Variants in PLEKHA5 observed in about 807,000 individuals in gnomAD.
The protein encoded by PLEKHA5 is pleckstrin homology domain-containing family A member 5.
Under a neutral mutation model 181.9 loss-of-function variants are expected in PLEKHA5, and 55 were observed. The ratio of observed to expected loss-of-function variants is 0.30; its 90% CI spans 0.24 to 0.38. PLEKHA5 has a LOEUF of 0.38. Ranked by LOEUF, PLEKHA5 falls within the 10% of genes least tolerant of loss-of-function variation. The probability of loss-of-function intolerance (pLI) is 1.00; values close to 1 mark genes in which losing one functional copy is unlikely to be tolerated. For synonymous variants in PLEKHA5, 535 were observed against 529.4 expected (o/e 1.01, Z -0.15); for missense variants, 1,432 against 1,549.5 (o/e 0.92, Z 1.27).
At chr12:19,242,133 A>G (rs2062741912) in intron 3 of PLEKHA5, among the ~76,000 whole-genome samples, 1 of 152,226 alleles carries the variant, frequency 6.6e-6, no homozygotes, top group African/African-American at 2.4e-5. Context: ...TGTGATAGGT[A>G]CATTTTAACT....
intron 3 of PLEKHA5, among the ~76,000 whole-genome samples, chr12:19,162,587 A>T (rs1475651388): frequency 6.9e-6 from 1 of 144,580 alleles, no homozygotes; most frequent in Non-Finnish European, 1.5e-5. Context: ...AAAAAAAAAA[A>T]GAGTTGGGGG....
intron 3 of PLEKHA5, among the ~76,000 whole-genome samples, chr12:19,217,057 A>G (rs1056148653): frequency 2.6e-5 from 4 of 152,226 alleles, no homozygotes; most frequent in Non-Finnish European, 4.4e-5. Flanking sequence ...GCAATAGCCA[A>G]TATTAGACTG....
intron 3 of PLEKHA5, among the ~76,000 whole-genome samples, chr12:19,179,520 C>T (rs1271023635): frequency 1.3e-5 from 2 of 152,040 alleles, no homozygotes; most frequent in African/African-American, 2.4e-5. Flanking sequence ...ATTAGCCTGG[C>T]GTGGTGGCAC....
intron 11 of PLEKHA5, among the ~76,000 whole-genome samples, chr12:19,281,832 A>T (rs2076235013): frequency 6.6e-6 from 1 of 151,796 alleles, no homozygotes; most frequent in Non-Finnish European, 1.5e-5. Flanking sequence ...CCCAGGCTGG[A>T]GTGCACTGGC....
At chr12:19,342,793 A>G (rs2094042047) in intron 21 of PLEKHA5, among the ~76,000 whole-genome samples, 1 of 152,074 alleles carries the variant, frequency 6.6e-6, no homozygotes, top group South Asian at 2.1e-4. Context: ...AAATAAAAAT[A>G]AAAAAATACA....
chr12:19,193,074 G>A (rs1031015695), intron 3 of PLEKHA5, among the ~76,000 whole-genome samples: 2 of 152,134 alleles, frequency 1.3e-5, no homozygotes, highest in African/African-American at 4.8e-5. Context: ...TAAATTTGTT[G>A]ACCCCTGTTT....
At chr12:19,311,577 A>G (rs1396894850) in intron 15 of PLEKHA5, among the ~76,000 whole-genome samples, 1 of 152,080 alleles carries the variant, frequency 6.6e-6, no homozygotes, top group African/African-American at 2.4e-5. Flanking sequence ...CCAGGAGTAG[A>G]TTTTATCTCA....
At chr12:19,177,911 T>G (rs1275226876) in intron 3 of PLEKHA5, among the ~76,000 whole-genome samples, 1 of 152,246 alleles carries the variant, frequency 6.6e-6, no homozygotes, top group African/African-American at 2.4e-5. Context: ...GTGCTGATGA[T>G]CAGCTTCTGT....
chr12:19,194,851 GATC>G (rs571197756), intron 3 of PLEKHA5, among the ~76,000 whole-genome samples: 401 of 152,260 alleles, frequency 2.6e-3, no homozygotes, highest in African/African-American at 9.1e-3. Context: ...TTGGCTTTGT[GATC>G]ATCATTAATA....
intron 6 of PLEKHA5, among the ~76,000 whole-genome samples, chr12:19,259,688 T>C (rs183617826): frequency 6.6e-6 from 1 of 151,882 alleles, no homozygotes; most frequent in Non-Finnish European, 1.5e-5. Context: ...GAAGCAGAGG[T>C]TGCAGTGAGC....
chr12:19,318,098 C>T (rs2089589209), intron 16 of PLEKHA5, among the ~76,000 whole-genome samples: 1 of 151,146 alleles, frequency 6.6e-6, no homozygotes, highest in Non-Finnish European at 1.5e-5. Context: ...AAATAGCAAC[C>T]TTTTCAATTC....
chr12:19,307,877 T>A (rs960253243), intron 15 of PLEKHA5, among the ~76,000 whole-genome samples: 2 of 151,646 alleles, frequency 1.3e-5, no homozygotes, highest in Non-Finnish European at 2.9e-5. Context: ...CTAAAAAGTC[T>A]CGGTGTCCTA....
chr12:19,183,639 A>G (rs2049115308), intron 3 of PLEKHA5, among the ~76,000 whole-genome samples: 1 of 152,164 alleles, frequency 6.6e-6, no homozygotes, highest in Admixed American at 6.5e-5. Flanking sequence ...TCTGCCCCAA[A>G]AGGCCATCTC....
chr12:19,306,086 AAAC>A (rs2083414747), intron 15 of PLEKHA5, among the ~76,000 whole-genome samples: 1 of 152,070 alleles, frequency 6.6e-6, no homozygotes, highest in Non-Finnish European at 1.5e-5. Context: ...TCTAAAAAAA[AAAC>A]AAGTTATTCG....
chr12:19,346,801 TTA>T (rs1481354085), intron 23 of PLEKHA5, among the ~76,000 whole-genome samples, 191 bp from the exon 24 acceptor site: 1 of 152,158 alleles, frequency 6.6e-6, no homozygotes, highest in Non-Finnish European at 1.5e-5. Flanking sequence ...TCAGATGTAA[TTA>T]TATGTTAAAT....
intron 11 of PLEKHA5, among the ~76,000 whole-genome samples, chr12:19,279,537 C>T (rs909316236): frequency 6.6e-6 from 1 of 151,928 alleles, no homozygotes; most frequent in Non-Finnish European, 1.5e-5. Flanking sequence ...GCAGCAGGCA[C>T]CTGTAATCAC....
intron 16 of PLEKHA5, among the ~76,000 whole-genome samples, chr12:19,318,876 G>A (rs377278595): frequency 1.4e-3 from 214 of 152,234 alleles, no homozygotes; most frequent in Middle Eastern, 3.4e-3. Context: ...AGCCGAGATC[G>A]CACCACTGCA....
chr12:19,190,867 A>C (rs933169283), intron 3 of PLEKHA5, among the ~76,000 whole-genome samples: 1 of 152,232 alleles, frequency 6.6e-6, no homozygotes, highest in African/African-American at 2.4e-5. Context: ...GGAATTTAAA[A>C]ATATCAGTGT....
chr12:19,369,950 G>A (rs79072570), intron 31 of PLEKHA5, among the ~76,000 whole-genome samples, 152 bp downstream of exon 31: 1,863 of 152,352 alleles, frequency 0.012, 17 homozygotes, highest in Middle Eastern at 0.027. Context: ...ACCAGGGTTG[G>A]TAACAGATTG....
Sources: allele counts gnomAD v4.1 joint callset (sites outside exome capture counted in the v4.1 genomes callset), GRCh38; gene constraint gnomAD v4.1.1; transcripts MANE v1.5; gene names NCBI Gene and HGNC (gene_info 2026-07-23, HGNC 2026-07-21).